The following RAB40C variants were observed in gnomAD, a reference collection of about 807,000 sequenced individuals.
RAB40C encodes the protein ras-related protein Rab-40C.
Under a neutral mutation model 28.1 loss-of-function variants are expected in RAB40C, and 8 were observed. That is an observed-to-expected ratio of 0.28 (90% confidence interval 0.17 to 0.51). The LOEUF (loss-of-function observed/expected upper bound fraction) is 0.51, where lower values mean the gene tolerates loss of function less well. Among genes scored for constraint, RAB40C ranks in the 20% least tolerant of loss-of-function variants. RAB40C has a pLI of 0.97. For missense variants in RAB40C, 288 were observed against 405.9 expected (o/e 0.71, Z 2.50); for synonymous variants, 201 against 171.7 (o/e 1.17, Z -1.34).
At position 620,371 on chromosome 16, in the gene RAB40C, C is replaced by T. The variant is rs116262571; in HGVS notation, c.264+2111C>T. Among the ~76,000 whole-genome samples the T allele has an allele frequency of 6.6e-3, 979 of 147,906 alleles. 9 individuals are homozygous for T. The highest frequency in any genetic ancestry group is 0.025 in the African/African-American group (927 of 37,552). ...TTGTGCCATTGCACGCCAACCTGGGCGACGAGTGAAACTCCATCTCAAAAA... is the reference window on the plus strand; with the variant it reads ...TTGTGCCATTGCACGCCAACCTGGGTGACGAGTGAAACTCCATCTCAAAAA... On this transcript the variant is annotated intron_variant, in intron 3 of 5. Coordinates refer to ENST00000248139, the MANE Select transcript of RAB40C (RefSeq NM_021168.5).
chr16:610,038 TC>T lies in RAB40C; in HGVS notation c.143-7169del, dbSNP rs1334235679. Among the ~76,000 whole-genome samples, 3 of 152,284 alleles carry T rather than the reference TC, an allele frequency of 2.0e-5. No individual in the cohort carries two copies. Among genetic ancestry groups the T allele is most frequent in the Middle Eastern group, 3.4e-3 (1 of 294 alleles). ...ATGTGAACGGCACCAGCCTGGTGGCTCGGGTGCCAGGCCAGGGCCAGATGTA... is the reference window on the plus strand; with the variant it reads ...ATGTGAACGGCACCAGCCTGGTGGCTGGGTGCCAGGCCAGGGCCAGATGTA... On this transcript the variant is annotated intron_variant, in intron 1 of 5. Coordinates refer to ENST00000248139, the MANE Select transcript of RAB40C (RefSeq NM_021168.5). This position sits in a 1 kb window ranked among gnomAD's most constrained non-coding sequence, Gnocchi z 4.6.
chr16:609,801 C>T (rs2036443865), intron 1 of RAB40C, among the ~76,000 whole-genome samples: 1 of 152,184 alleles, frequency 6.6e-6, no homozygotes, highest in Non-Finnish European at 1.5e-5. Context: ...TAAAAAACAA[C>T]TGGGCAGTCC....
chr16:606,539 G>A (rs1238908308), intron 1 of RAB40C, among the ~76,000 whole-genome samples: 1 of 151,896 alleles, frequency 6.6e-6, no homozygotes, highest in Admixed American at 6.6e-5. Context: ...GGTTTCCCTG[G>A]GCTGAAGTCA....
chr16:622,363 A>ACCCCCTTG (rs2036737049), intron 3 of RAB40C, among the ~76,000 whole-genome samples: 1 of 151,994 alleles, frequency 6.6e-6, no homozygotes, highest in Non-Finnish European at 1.5e-5. Context: ...AAGTGCCTCC[A>ACCCCCTTG]CCCCCTTGAC....
intron 1 of RAB40C, among the ~76,000 whole-genome samples, chr16:614,031 C>T (rs1330462746): frequency 6.6e-6 from 1 of 152,168 alleles, no homozygotes; most frequent in Non-Finnish European, 1.5e-5. Flanking sequence ...AACTGCCTAA[C>T]TCTACCGCGT....
At chr16:624,003 C>T in intron 3 of RAB40C, 1 of 985,426 alleles carries the variant, frequency 1.0e-6, no homozygotes, top group Non-Finnish European at 1.2e-6. Context: ...TTGCACATCT[C>T]TCCTTGGCCA....
chr16:623,517 G>A (rs1012111031), intron 3 of RAB40C, among the ~76,000 whole-genome samples: 2 of 152,046 alleles, frequency 1.3e-5, no homozygotes, highest in Non-Finnish European at 1.5e-5. Context: ...AGCCGGGCAT[G>A]GTGGCGGGCG....
At position 596,420 on chromosome 16, in the gene RAB40C, C is replaced by T. The variant is rs1023046868; in HGVS notation, c.142+5987C>T. On this transcript the variant is annotated intron_variant, in intron 1 of 5. Coordinates refer to ENST00000248139, the MANE Select transcript of RAB40C (RefSeq NM_021168.5). ...CGTAGAGCAGGAAGGGGTTGCATCA[C>T]AGCTGAGTCCTCCCCTGCGCAGCAC... 1.3e-4 allele frequency: 59 copies of T among 445,632 alleles called. 2 individuals carry two copies. The highest frequency in any genetic ancestry group is 8.2e-4 in the South Asian group (52 of 63,156). The allele number at this position is 445,632 out of a possible 1,614,324, so 27.6% of individuals were successfully genotyped here. A position where few individuals can be genotyped will look rare whatever the true frequency, so the allele number is the denominator to read the frequency against.
intron 1 of RAB40C, among the ~76,000 whole-genome samples, chr16:613,167 A>G (rs866937231): frequency 1.4e-4 from 21 of 145,768 alleles, no homozygotes; most frequent in South Asian, 2.3e-4. Context: ...TGGCCTGTAG[A>G]ATCAAGAGCA....
At chr16:616,280 G>A (rs2036582339) in intron 1 of RAB40C, among the ~76,000 whole-genome samples, 1 of 151,632 alleles carries the variant, frequency 6.6e-6, no homozygotes, top group Admixed American at 6.6e-5. Flanking sequence ...ATACCAATGT[G>A]GCAGGCAGGC....
rs1368172186 is a variant in RAB40C, at chr16:627,325, C to T, written c.566-17C>T. 18 of 1,606,436 alleles carry T rather than the reference C, an allele frequency of 1.1e-5. No homozygotes were observed. The highest frequency in any genetic ancestry group is 1.5e-5 in the Non-Finnish European group (18 of 1,176,072). On this transcript the variant is annotated splice_polypyrimidine_tract_variant and intron_variant, in intron 5 of 5. Transcript: ENST00000248139. ...TCCCCCACAGCCCCATGGTCTGACA[C>T]CCCCTCTGCCCCACAGTGTTCAGCC...
chr16:622,173 C>G (rs1234847247), intron 3 of RAB40C, among the ~76,000 whole-genome samples: 2 of 152,210 alleles, frequency 1.3e-5, no homozygotes, highest in Non-Finnish European at 2.9e-5. Flanking sequence ...AGGACACCCA[C>G]TCTTAGGCCC....
chr16:626,435 C>A, intron 5 of RAB40C, among the ~76,000 whole-genome samples: 1 of 152,202 alleles, frequency 6.6e-6, no homozygotes, highest in South Asian at 2.1e-4. Context: ...TTCCTGGTTC[C>A]GGGGCTGGTC....
intron 3 of RAB40C, among the ~76,000 whole-genome samples, chr16:621,632 A>G (rs2036718726): frequency 6.6e-6 from 1 of 152,212 alleles, no homozygotes; most frequent in African/African-American, 2.4e-5. Flanking sequence ...GGCCCCTCTC[A>G]GAAGCGGGTG....
chr16:628,601 G>T lies in RAB40C; in HGVS notation c.*979G>T, dbSNP rs2036892474. 4 of 152,392 alleles carry T rather than the reference G, an allele frequency of 2.6e-5. No individual in the cohort carries two copies. Among genetic ancestry groups the T allele is most frequent in the African/African-American group, 9.7e-5 (4 of 41,436 alleles). The allele number at this position is 152,392 out of a possible 1,614,324, so 9.4% of individuals were successfully genotyped here. On this transcript the variant is annotated 3_prime_UTR_variant, in exon 6 of 6. Transcript: ENST00000248139. ...CCTCGTCCACGTCCACGTCCACCTG[G>T]GGGCCTCGGGAGGCTAGGCCCCTCC...
rs979098204 is a variant in RAB40C, at chr16:629,179, C to T, written c.*1557C>T. On this transcript the variant is annotated 3_prime_UTR_variant, in exon 6 of 6. Transcript: ENST00000248139. Reference sequence around the variant, plus strand: ...CTGGATGGTCCTGCATTCACGGCATCAACACTACCCGCGCTGCTGTTAGAC... The same window carrying T: ...CTGGATGGTCCTGCATTCACGGCATTAACACTACCCGCGCTGCTGTTAGAC... 4 of 217,242 alleles carry T rather than the reference C, an allele frequency of 1.8e-5. No homozygotes were observed. The highest frequency in any genetic ancestry group is 3.9e-5 in the Non-Finnish European group (4 of 103,560). The allele number at this position is 217,242 out of a possible 1,614,324, so 13.5% of individuals were successfully genotyped here. A position where few individuals can be genotyped will look rare whatever the true frequency, so the allele number is the denominator to read the frequency against.
At chr16:626,142 C>A (rs763900582) in intron 5 of RAB40C, 21 bp downstream of exon 5, 2 of 1,600,450 alleles carry the variant, frequency 1.2e-6, no homozygotes, top group Middle Eastern at 3.3e-4. Flanking sequence ...GGGCGCCGGC[C>A]AGCCCTGAGG....
intron 3 of RAB40C, chr16:623,997 A>G (rs1314552083): frequency 1.0e-6 from 1 of 985,282 alleles, no homozygotes; most frequent in Non-Finnish European, 1.2e-6. Flanking sequence ...CCTGGGTTGC[A>G]CATCTCTCCT....
At chr16:607,517 CG>C (rs1034147799) in intron 1 of RAB40C, among the ~76,000 whole-genome samples, 5 of 143,820 alleles carry the variant, frequency 3.5e-5, no homozygotes, top group Non-Finnish European at 7.6e-5. Context: ...AAAAAAAAAA[CG>C]GGGGGCCGGG....
Sources: allele counts gnomAD v4.1 joint callset (sites outside exome capture counted in the v4.1 genomes callset), GRCh38; gene constraint gnomAD v4.1.1; non-coding constraint Gnocchi (gnomAD v3.1); transcripts MANE v1.5; gene names NCBI Gene and HGNC (gene_info 2026-07-23, HGNC 2026-07-21).